The following FTCD variants were observed in gnomAD, a reference collection of about 807,000 sequenced individuals.
FTCD encodes the protein formimidoyltransferase-cyclodeaminase.
A neutral mutation model predicts 62.9 loss-of-function variants in FTCD; 76 were observed. The ratio of observed to expected loss-of-function variants is 1.21; its 90% CI spans 1.00 to 1.46. The LOEUF (loss-of-function observed/expected upper bound fraction) is 1.46, where lower values mean the gene tolerates loss of function less well. Ranked by LOEUF, FTCD falls within the 40% of genes most tolerant of loss-of-function variation. FTCD has a pLI of 0.00. For synonymous variants in FTCD, 397 were observed against 336.9 expected, an observed-to-expected ratio of 1.18 and a Z score of -1.95; for missense variants, 845 against 751.3, an observed-to-expected ratio of 1.12 and a Z score of -1.46.
intron 12 of FTCD, 40 bp from the exon 13 acceptor site, chr21:46,137,374 G>A (rs778377195): frequency 2.0e-6 from 3 of 1,463,492 alleles, no homozygotes; most frequent in Admixed American, 3.3e-5. Context: ...GATCAAGGCT[G>A]AGCAAACTGC....
At chr21:46,137,443 C>T in intron 12 of FTCD, 109 bp from the exon 13 acceptor site, 1 of 854,120 alleles carries the variant, frequency 1.2e-6, no homozygotes, top group South Asian at 1.3e-5. Flanking sequence ...TCCTCCTCCT[C>T]ACAAGGAGCC....
chr21:46,152,925 C>T lies in FTCD; in HGVS notation c.349G>A (p.Glu117Lys). The change falls in exon 3 of 14, where the codon GAG becomes AAG. Residue 117 changes from glutamate (E) to lysine (K), a missense_variant. Transcript: ENST00000397746. Reference sequence around the variant, plus strand: ...CGCTCACCTGGCACGTCCAGCTCCTCTGCCAGCCTCTGGCCAAAGGCCTGG... The same window carrying T: ...CGCTCACCTGGCACGTCCAGCTCCTTTGCCAGCCTCTGGCCAAAGGCCTGG... Reference protein sequence around the residue: ...CAQAFGQRLAEELDVPVYLYG... With the variant: ...CAQAFGQRLAKELDVPVYLYG... 6.4e-7 allele frequency: 1 copy of T among 1,566,868 alleles called. No individual in the cohort carries two copies. Among genetic ancestry groups the T allele is most frequent in the Non-Finnish European group, 8.6e-7 (1 of 1,156,192 alleles).
At chr21:46,149,928 T>C (rs140899589) in intron 7 of FTCD, among the ~76,000 whole-genome samples, 191 bp downstream of exon 7, 33 of 151,990 alleles carry the variant, frequency 2.2e-4, no homozygotes, top group African/African-American at 7.0e-4. Context: ...GCTGAGCATA[T>C]CATAGGTCAC....
At chr21:46,155,434 C>T (rs569844067) in intron 1 of FTCD, 36 bp downstream of exon 1, 7 of 1,572,016 alleles carry the variant, frequency 4.5e-6, no homozygotes, top group Non-Finnish European at 4.4e-6. Flanking sequence ...GCTGCCCCAT[C>T]AGCCCTAGAT....
rs1418394306 is a variant in FTCD at position 46,145,590 on chromosome 21, G to T, written c.1099-12C>A. The stretch of plus-strand genomic sequence containing the variant: ...CCCAGCGCCGCACCCTGCGAGAGGG[G>T]TGGATGTGGGGGTCGCAGGGACCCC... On this transcript the variant is annotated splice_polypyrimidine_tract_variant and intron_variant, in intron 9 of 13. Coordinates refer to ENST00000397746, the MANE Select transcript of FTCD (RefSeq NM_206965.2). 6.5e-7 allele frequency: 1 copy of T among 1,528,334 alleles called. No individual in the cohort carries two copies. The highest frequency in any genetic ancestry group is 8.8e-7 in the Non-Finnish European group (1 of 1,134,598). The allele number at this position is 1,528,334 out of a possible 1,614,324, so 94.7% of individuals were successfully genotyped here. A position where few individuals can be genotyped will look rare whatever the true frequency, so the allele number is the denominator to read the frequency against.
intron 7 of FTCD, 122 bp downstream of exon 7, chr21:46,149,997 G>T: frequency 1.0e-6 from 1 of 960,644 alleles, no homozygotes; most frequent in Non-Finnish European, 1.6e-6. Flanking sequence ...CTGAACACAA[G>T]TCAATAAAAT....
At chr21:46,141,898 G>A (rs999948591) in intron 10 of FTCD, among the ~76,000 whole-genome samples, 4 of 152,208 alleles carry the variant, frequency 2.6e-5, no homozygotes, top group African/African-American at 9.7e-5. Flanking sequence ...CTGCAAGCAG[G>A]TGTTGGGTGC....
At chr21:46,155,174 G>A (rs2079400266) in intron 1 of FTCD, among the ~76,000 whole-genome samples, 1 of 152,156 alleles carries the variant, frequency 6.6e-6, no homozygotes, top group African/African-American at 2.4e-5. Context: ...GAGCACCAAG[G>A]CCCTTTGAGG....
At position 46,154,241 on chromosome 21, in the gene FTCD, T is replaced by C. The variant is rs756201632; in HGVS notation, c.146A>G (p.Tyr49Cys). The C allele has an allele frequency of 2.2e-5, 35 of 1,612,738 alleles. No homozygotes were observed. Among genetic ancestry groups the C allele is most frequent in the Non-Finnish European group, 2.8e-5 (33 of 1,179,962 alleles). ...GCACTCCGGCGGCCCCACGAAGGTG[T>C]ACACGGTGCGGTTGGTGGAAGGGCC... Reference protein sequence around the residue: ...DAGPSTNRTVYTFVGPPECVV... With the variant: ...DAGPSTNRTVCTFVGPPECVV... Residue 49 changes from tyrosine (Y) to cysteine (C), a missense_variant, in exon 2 of 14, where the codon TAC (tyrosine) becomes TGC (cysteine). Coordinates refer to ENST00000397746, the MANE Select transcript of FTCD (RefSeq NM_206965.2).
chr21:46,154,678 G>A (rs1200416056), intron 1 of FTCD, among the ~76,000 whole-genome samples: 2 of 152,248 alleles, frequency 1.3e-5, no homozygotes, highest in Non-Finnish European at 2.9e-5. Context: ...GAGGGGCCGG[G>A]ACCCCCACCC....
chr21:46,143,425 AG>A (rs2079062781), intron 10 of FTCD, among the ~76,000 whole-genome samples: 1 of 149,672 alleles, frequency 6.7e-6, no homozygotes, highest in African/African-American at 2.4e-5. Flanking sequence ...CAAGAGACCG[AG>A]GGCACGAGCT....
chr21:46,144,222 C>T (rs570141061), intron 10 of FTCD, among the ~76,000 whole-genome samples: 6 of 151,580 alleles, frequency 4.0e-5, no homozygotes, highest in Non-Finnish European at 7.4e-5. Flanking sequence ...GGGCCACTAC[C>T]GGTCTCCGTG....
At chr21:46,155,271 G>A (rs376282207) in intron 1 of FTCD, among the ~76,000 whole-genome samples, 199 bp downstream of exon 1, 1 of 152,062 alleles carries the variant, frequency 6.6e-6, no homozygotes, top group African/African-American at 2.4e-5. Context: ...AGCACCAGTC[G>A]TGTTCCACCC....
Position 46,145,528 on chromosome 21 carries a change from T to C in FTCD, c.1149A>G (p.Gln383=). ...GCATCGTCGTGTCCAGGGACTGGAA[T>C]TGGCGCCGCCCGTAGGTCATGAGGC... is the stretch of plus-strand genomic sequence containing the variant. The part of the protein sequence containing the change: ...MVGLMTYGRR[Q]FQSLDTTMRR... The change falls in exon 10 of 14, where the codon CAA becomes CAG. Residue 383 remains glutamine, a synonymous_variant. Coordinates refer to ENST00000397746, the MANE Select transcript of FTCD (RefSeq NM_206965.2). 1.3e-6 allele frequency: 2 copies of C among 1,547,744 alleles called. No individual in the cohort carries two copies. Among genetic ancestry groups the C allele is most frequent in the Non-Finnish European group, 1.7e-6 (2 of 1,145,878 alleles).
At chr21:46,136,279 T>C, downstream of FTCD, 1 of 613,532 alleles carries the variant, frequency 1.6e-6, no homozygotes, top group Non-Finnish European at 2.9e-6. Context: ...CTAAATTATT[T>C]TTTAATGGAG....
chr21:46,136,845 ATTCC>A lies in FTCD; in HGVS notation c.*138_*141del, dbSNP rs768172634. ...GCCTTCTGTCCCTGCCAGCGCCTCC[ATTCC>A]CAGGCGATGCCCCGCTGCCTGCCCA... On this transcript the variant is annotated 3_prime_UTR_variant, in exon 14 of 14. Coordinates refer to ENST00000397746, the MANE Select transcript of FTCD (RefSeq NM_206965.2). The A allele has an allele frequency of 1.4e-5, 21 of 1,552,100 alleles. No homozygotes were observed. In the South Asian group the frequency reaches 2.4e-4, roughly 18 times the overall value.
chr21:46,150,068 C>A, intron 7 of FTCD, 51 bp downstream of exon 7: 1 of 1,559,706 alleles, frequency 6.4e-7, no homozygotes, highest in Non-Finnish European at 8.8e-7. Context: ...CACCGCCTCC[C>A]CACCCTCCCT....
At chr21:46,149,655 G>A (rs1048818008) in intron 7 of FTCD, among the ~76,000 whole-genome samples, 2 of 152,212 alleles carry the variant, frequency 1.3e-5, no homozygotes, top group African/African-American at 2.4e-5. Flanking sequence ...CTGAGGCCCC[G>A]GTGGAACCCA....
At position 46,145,593 on chromosome 21, in the gene FTCD, G is replaced by A; in HGVS notation, c.1099-15C>T. On this transcript the variant is annotated splice_polypyrimidine_tract_variant and intron_variant, in intron 9 of 13. Coordinates refer to ENST00000397746, the MANE Select transcript of FTCD (RefSeq NM_206965.2). Reference sequence around the variant, plus strand: ...AGCGCCGCACCCTGCGAGAGGGGTGGATGTGGGGGTCGCAGGGACCCCAGA... The same window carrying A: ...AGCGCCGCACCCTGCGAGAGGGGTGAATGTGGGGGTCGCAGGGACCCCAGA... The A allele has an allele frequency of 6.5e-7, 1 of 1,526,866 alleles. No individual in the cohort carries two copies. The allele number at this position is 1,526,866 out of a possible 1,614,324, so 94.6% of individuals were successfully genotyped here. A position where few individuals can be genotyped will look rare whatever the true frequency, so the allele number is the denominator to read the frequency against.
Sources: gnomAD v4.1 joint callset for allele counts (sites outside exome capture counted in the v4.1 genomes callset) on GRCh38, gnomAD v4.1.1 for gene constraint, MANE v1.5 for transcripts, NCBI Gene and HGNC (gene_info 2026-07-23, HGNC 2026-07-21) for gene names.